The following OXTR variants were observed in gnomAD, a reference collection of about 807,000 sequenced individuals.
OXTR encodes the protein oxytocin receptor.
OXTR carries 19 observed loss-of-function variants against 23.9 expected under a neutral mutation model. The observed-to-expected ratio is 0.80, with a 90% confidence interval of 0.56 to 1.17. The LOEUF (loss-of-function observed/expected upper bound fraction) is 1.17. Among genes scored for constraint, OXTR ranks in the 50% most tolerant of loss-of-function variants. The pLI is 0.00. For missense variants in OXTR, 500 were observed against 550.7 expected (o/e 0.91, Z 0.92); for synonymous variants, 278 against 250.5 (o/e 1.11, Z -1.04).
intron 3 of OXTR, among the ~76,000 whole-genome samples, chr3:8,756,982 C>A (rs1027941570): frequency 1.3e-5 from 2 of 152,196 alleles, no homozygotes; most frequent in Non-Finnish European, 2.9e-5. Context: ...CGGGGTCCCT[C>A]AGGAAAGGAA....
Position 8,768,172 on chromosome 3 carries a change from C to T in OXTR, c.16G>A (p.Ala6Thr), listed in dbSNP as rs1406481579. Residue 6 changes from alanine (A) to threonine (T), a missense_variant, in exon 3 of 4, where the codon GCA becomes ACA. Transcript: ENST00000316793. This position sits in a 1 kb window ranked among gnomAD's most constrained non-coding sequence, Gnocchi z 5.4. ...GCTGCCTCGGCGCTCCAGTTGGCTG[C>T]GAGCGCGCCCTCCATGACCCTGGCG... MEGALAANWSAEAANA... is the reference protein window; with the variant it reads MEGALTANWSAEAANA... 7.6e-7 allele frequency: 1 copy of T among 1,323,562 alleles called. No homozygotes were observed. 82.0% of individuals were successfully genotyped at this position (1,323,562 alleles called of 1,614,324 possible). A position where few individuals can be genotyped will look rare whatever the true frequency, so the allele number is the denominator to read the frequency against.
rs371932372 is a variant in OXTR, at chr3:8,761,756, C to G, written c.922+5510G>C. 4.6e-5 allele frequency among the ~76,000 whole-genome samples: 7 copies of G among 152,342 alleles called. No homozygotes were observed. In the East Asian group the frequency reaches 9.6e-4, roughly 21 times the overall value. On this transcript the variant is annotated intron_variant, in intron 3 of 3. Transcript: ENST00000316793. ...GTGGTGGCTGCTGTTACCAACTGAT[C>G]CCACTCCTCCCTTCACCAAAGCTGA...
At chr3:8,758,112 G>A (rs1708413108) in intron 3 of OXTR, among the ~76,000 whole-genome samples, 1 of 152,026 alleles carries the variant, frequency 6.6e-6, no homozygotes. Flanking sequence ...GGGCAATTCT[G>A]TCCCTGGGAG....
rs527368267 is a variant in OXTR at position 8,768,072 on chromosome 3, G to A, written c.116C>T (p.Ala39Val). 13 of 1,525,874 alleles carry A rather than the reference G, an allele frequency of 8.5e-6. No individual in the cohort carries two copies. The highest frequency in any genetic ancestry group is 1.2e-5 in the South Asian group (1 of 80,498). 94.5% of individuals were successfully genotyped at this position (1,525,874 alleles called of 1,614,324 possible). A position where few individuals can be genotyped will look rare whatever the true frequency, so the allele number is the denominator to read the frequency against. The change falls in exon 3 of 4, where the codon GCG becomes GTG. Residue 39 changes from alanine to valine, a missense_variant. Ala to Val is a moderately conservative substitution (Grantham distance 64). Coordinates refer to ENST00000316793, the MANE Select transcript of OXTR (RefSeq NM_000916.4). The surrounding 1 kb of genome is among the most constrained non-coding windows in gnomAD (Gnocchi z 5.4). ...AGPPRRNEAL[A>V]RVEVAVLCLI... ...ACACAGCACCGCCACCTCCACGCGC[G>A]CCAGGGCCTCGTTGCGCCGCGGGGG...
At chr3:8,755,787 G>A (rs1191889631) in intron 3 of OXTR, among the ~76,000 whole-genome samples, 1 of 152,172 alleles carries the variant, frequency 6.6e-6, no homozygotes, top group African/African-American at 2.4e-5. Flanking sequence ...AAGTTTCCAG[G>A]AACAGCACTT....
intron 3 of OXTR, among the ~76,000 whole-genome samples, chr3:8,766,906 G>A (rs1708619629): frequency 6.6e-6 from 1 of 152,146 alleles, no homozygotes; most frequent in Non-Finnish European, 1.5e-5. Flanking sequence ...TAACCACGTG[G>A]GAAAGCAGAT....
At position 8,751,693 on chromosome 3, in the gene OXTR, A is replaced by G. The variant is rs1045690348; in HGVS notation, c.*1284T>C. 1 of 152,174 alleles carries G rather than the reference A, an allele frequency of 6.6e-6. No homozygotes were observed. The highest frequency in any genetic ancestry group is 1.5e-5 in the Non-Finnish European group (1 of 68,030). 9.4% of individuals were successfully genotyped at this position (152,174 alleles called of 1,614,324 possible). On this transcript the variant is annotated 3_prime_UTR_variant, in exon 4 of 4. Transcript: ENST00000316793. The stretch of plus-strand genomic sequence containing the variant: ...TGTCAAAAATCAATTGACCGTAAGT[A>G]TAAGTGTTCATATCTGTACTCTTTA...
Position 8,767,426 on chromosome 3 carries a change from G to C in OXTR, c.762C>G (p.Arg254=), listed in dbSNP as rs201271653. The change falls in exon 3 of 4, where the codon CGC becomes CGG. Residue 254 remains arginine (R), a synonymous_variant. Coordinates refer to ENST00000316793, the MANE Select transcript of OXTR (RefSeq NM_000916.4). The part of the protein sequence containing the change: ...PEGAAAGDGG[R]VALARVSSVK... ...CGCTGCTGACACGCGCCAGGGCCAC[G>C]CGCCCCCCATCGCCAGCCGCCGCGC... 6.2e-7 allele frequency: 1 copy of C among 1,607,300 alleles called. No homozygotes were observed. Among genetic ancestry groups the C allele is most frequent in the Non-Finnish European group, 8.5e-7 (1 of 1,177,160 alleles).
At position 8,750,814 on chromosome 3, in the gene OXTR, G is replaced by A. The variant is rs1708239294; in HGVS notation, c.*2163C>T. The A allele has an allele frequency of 6.6e-6, 1 of 152,060 alleles. No homozygotes were observed. Among genetic ancestry groups the A allele is most frequent in the African/African-American group, 2.4e-5 (1 of 41,378 alleles). 9.4% of individuals were successfully genotyped at this position (152,060 alleles called of 1,614,324 possible). On this transcript the variant is annotated 3_prime_UTR_variant, in exon 4 of 4. Coordinates refer to ENST00000316793, the MANE Select transcript of OXTR (RefSeq NM_000916.4). ...ACATTTGGGTTGTTTCCACTTTTTG[G>A]CTATTACAAATAATGTTGCTATGAA...
intron 3 of OXTR, among the ~76,000 whole-genome samples, chr3:8,765,653 C>A (rs183932074): frequency 1.3e-5 from 2 of 152,324 alleles, no homozygotes; most frequent in African/African-American, 4.8e-5. Context: ...CAGGTGAGGC[C>A]TAAGGCCTTA....
chr3:8,767,895 A>G lies in OXTR; in HGVS notation c.293T>C (p.Leu98Pro). 6.2e-7 allele frequency: 1 copy of G among 1,613,728 alleles called. No homozygotes were observed. Among genetic ancestry groups the G allele is most frequent in the Non-Finnish European group, 8.5e-7 (1 of 1,179,866 alleles). Residue 98 changes from leucine (L) to proline (P), a missense_variant, in exon 3 of 4, where the codon CTG becomes CCG. Coordinates refer to ENST00000316793, the MANE Select transcript of OXTR (RefSeq NM_000916.4). ...GTAGAAGCGGAAGGTGATGTCCCAC[A>G]GCAACTGCGGCAGCACCTGAAACAC... ...VAVFQVLPQL[L>P]WDITFRFYGP...
Position 8,752,910 on chromosome 3 carries a change from T to C in OXTR, c.*67A>G. The C allele has an allele frequency of 6.6e-7, 1 of 1,510,844 alleles. No individual in the cohort carries two copies. The highest frequency in any genetic ancestry group is 8.9e-7 in the Non-Finnish European group (1 of 1,124,252). 93.6% of individuals were successfully genotyped at this position (1,510,844 alleles called of 1,614,324 possible). ...TTATACACAAACATACGCCATCACC[T>C]AGGAGCAGAGCACTTATGCCAGCAC... On this transcript the variant is annotated 3_prime_UTR_variant, in exon 4 of 4. Transcript: ENST00000316793.
At position 8,769,215 on chromosome 3, in the gene OXTR, C is replaced by T. The variant is rs1708709462; in HGVS notation, c.-239+16G>A. 2 of 152,394 alleles carry T rather than the reference C, an allele frequency of 1.3e-5. No individual in the cohort carries two copies. The allele number at this position is 152,394 out of a possible 1,614,324, so 9.4% of individuals were successfully genotyped here. A position where few individuals can be genotyped will look rare whatever the true frequency, so the allele number is the denominator to read the frequency against. Reference sequence around the variant, plus strand: ...GCCCTAGCCATCCCGTCCACCCCTGCTTAGCACCCAGCTACCTGCACCGAG... The same window carrying T: ...GCCCTAGCCATCCCGTCCACCCCTGTTTAGCACCCAGCTACCTGCACCGAG... On this transcript the variant is annotated intron_variant, in intron 1 of 3. Transcript: ENST00000316793.
chr3:8,761,163 G>A (rs189196623), intron 3 of OXTR, among the ~76,000 whole-genome samples: 11 of 152,326 alleles, frequency 7.2e-5, no homozygotes, highest in Admixed American at 1.3e-4. Flanking sequence ...TGAAAAAATC[G>A]TGCTCTAAAC....
downstream of OXTR, among the ~76,000 whole-genome samples, chr3:8,749,220 G>C (rs963937500): frequency 6.6e-6 from 1 of 152,176 alleles, no homozygotes; most frequent in African/African-American, 2.4e-5. Flanking sequence ...TATCCAGTGG[G>C]GCTATTGAAA....
At chr3:8,766,045 C>T (rs116029987) in intron 3 of OXTR, among the ~76,000 whole-genome samples, 26 of 152,340 alleles carry the variant, frequency 1.7e-4, no homozygotes, top group Non-Finnish European at 3.2e-4. Flanking sequence ...GTAGTAACTG[C>T]ACACAGAAAT....
chr3:8,768,151 C>T lies in OXTR; in HGVS notation c.37G>A (p.Ala13Thr). The T allele has an allele frequency of 7.5e-7, 1 of 1,336,394 alleles. No homozygotes were observed. The highest frequency in any genetic ancestry group is 9.5e-7 in the Non-Finnish European group (1 of 1,052,350). 82.8% of individuals were successfully genotyped at this position (1,336,394 alleles called of 1,614,324 possible). A position where few individuals can be genotyped will look rare whatever the true frequency, so the allele number is the denominator to read the frequency against. ...GALAANWSAE[A>T]ANASAAPPGA... ...GGCGGCGCGGCGCTGGCGTTGGCTG[C>T]CTCGGCGCTCCAGTTGGCTGCGAGC... The change falls in exon 3 of 4, where the codon GCA becomes ACA. Residue 13 changes from alanine to threonine, a missense_variant. Transcript: ENST00000316793. This position sits in a 1 kb window ranked among gnomAD's most constrained non-coding sequence, Gnocchi z 5.4.
At chr3:8,760,736 CT>C (rs1418370422) in intron 3 of OXTR, among the ~76,000 whole-genome samples, 1 of 152,166 alleles carries the variant, frequency 6.6e-6, no homozygotes, top group Non-Finnish European at 1.5e-5. Context: ...GTGGAAGAAA[CT>C]GGGGTGGGCG....
At chr3:8,757,804 T>C (rs1708405515) in intron 3 of OXTR, among the ~76,000 whole-genome samples, 1 of 152,146 alleles carries the variant, frequency 6.6e-6, no homozygotes, top group Non-Finnish European at 1.5e-5. Flanking sequence ...ACGGCATTTC[T>C]CGGAGGAGGA....
Sources: gnomAD v4.1 joint callset for allele counts (sites outside exome capture counted in the v4.1 genomes callset) on GRCh38, gnomAD v4.1.1 for gene constraint, Gnocchi (gnomAD v3.1) non-coding constraint, MANE v1.5 for transcripts, NCBI Gene and HGNC (gene_info 2026-07-23, HGNC 2026-07-21) for gene names.